SYNPR: variants seen among roughly 807,000 people sequenced by gnomAD.
SYNPR encodes the protein synaptoporin.
In SYNPR, 23 loss-of-function variants were observed where a neutral mutation model predicts 32.9. The observed-to-expected ratio is 0.70, with a 90% CI of 0.50 to 0.99. SYNPR has a LOEUF of 0.99. Ranked by LOEUF, SYNPR falls within the 50% of genes least tolerant of loss-of-function variation. The probability of loss-of-function intolerance (pLI) is 0.00; values close to 1 mark genes in which losing one functional copy is unlikely to be tolerated. For missense variants in SYNPR, 318 were observed against 349.3 expected (o/e 0.91, Z 0.71); for synonymous variants, 146 against 135.9 (o/e 1.07, Z -0.52).
At chr3:63,228,315 A>G (rs1353855006) in exon 1 of SYNPR, 2 of 152,190 alleles carry the variant, frequency 1.3e-5, no homozygotes, top group Admixed American at 6.5e-5. Context: ...ATCAGTCCTT[A>G]AACAGATTCA....
At chr3:63,353,055 G>A (rs113275578) in intron 2 of SYNPR, among the ~76,000 whole-genome samples, 406 of 152,286 alleles carry the variant, frequency 2.7e-3, no homozygotes, top group African/African-American at 8.6e-3. Flanking sequence ...TATATATTAT[G>A]TAAAGATGGT....
chr3:63,586,971 C>G (rs1365905382), intron 4 of SYNPR, among the ~76,000 whole-genome samples: 4 of 151,986 alleles, frequency 2.6e-5, no homozygotes, highest in African/African-American at 9.7e-5. Context: ...AAGACTCCAC[C>G]TATACCCTTA....
intron 2 of SYNPR, among the ~76,000 whole-genome samples, chr3:63,335,458 T>C (rs1486370597): frequency 6.6e-6 from 1 of 152,106 alleles, no homozygotes; most frequent in Non-Finnish European, 1.5e-5. Context: ...CAGGGCCAAT[T>C]GAAGCCACTG....
chr3:63,336,512 T>C (rs2087296553), intron 2 of SYNPR, among the ~76,000 whole-genome samples: 1 of 30,418 alleles, frequency 3.3e-5, no homozygotes, highest in Non-Finnish European at 6.8e-5. Context: ...AAGTGGACAT[T>C]CCCATGCAAA....
At chr3:63,300,876 A>G (rs773322287) in intron 2 of SYNPR, among the ~76,000 whole-genome samples, 1 of 152,076 alleles carries the variant, frequency 6.6e-6, no homozygotes, top group African/African-American at 2.4e-5. Context: ...GAGCACTAGA[A>G]TCTGTCTCAG....
chr3:63,262,826 G>A (rs373537505), intron 2 of SYNPR, among the ~76,000 whole-genome samples: 5 of 152,186 alleles, frequency 3.3e-5, no homozygotes, highest in African/African-American at 9.6e-5. Flanking sequence ...AGAGACCACC[G>A]TAACTCCAAT....
chr3:63,353,406 G>T, intron 2 of SYNPR, among the ~76,000 whole-genome samples: 1 of 152,170 alleles, frequency 6.6e-6, no homozygotes, highest in East Asian at 1.9e-4. Context: ...TGATGCCACA[G>T]GCCACCTGCT....
chr3:63,528,100 G>C (rs1057446852), intron 3 of SYNPR, among the ~76,000 whole-genome samples: 2 of 152,172 alleles, frequency 1.3e-5, no homozygotes, highest in African/African-American at 2.4e-5. Flanking sequence ...AACTACAGGA[G>C]ATAAATGACC....
chr3:63,397,191 G>A (rs1379359667), intron 2 of SYNPR, among the ~76,000 whole-genome samples: 1 of 152,038 alleles, frequency 6.6e-6, no homozygotes, highest in African/African-American at 2.4e-5. Flanking sequence ...GGGAGGCAGA[G>A]AAGAGAAAGT....
intron 5 of SYNPR, among the ~76,000 whole-genome samples, chr3:63,609,916 A>G (rs1047435230): frequency 1.3e-5 from 2 of 152,188 alleles, no homozygotes; most frequent in Admixed American, 6.5e-5. Flanking sequence ...TCTCAAAAAC[A>G]AAAACAAAAA....
At chr3:63,327,032 C>G (rs924594727) in intron 2 of SYNPR, among the ~76,000 whole-genome samples, 9 of 151,776 alleles carry the variant, frequency 5.9e-5, no homozygotes, top group African/African-American at 2.2e-4. Flanking sequence ...TGACACTTTA[C>G]TTTTAGATTT....
At chr3:63,569,001 A>C (rs1303473135) in intron 4 of SYNPR, among the ~76,000 whole-genome samples, 1 of 152,262 alleles carries the variant, frequency 6.6e-6, no homozygotes, top group Non-Finnish European at 1.5e-5. Flanking sequence ...GGTGTTAAGC[A>C]GATGGTAGAT....
intron 1 of SYNPR, among the ~76,000 whole-genome samples, chr3:63,251,612 T>C (rs1204442320): frequency 6.6e-6 from 1 of 151,966 alleles, no homozygotes; most frequent in South Asian, 2.1e-4. Context: ...CATGGCAGAG[T>C]AATTCCCTGT....
At chr3:63,567,226 G>A (rs941228682) in intron 4 of SYNPR, among the ~76,000 whole-genome samples, 1 of 152,114 alleles carries the variant, frequency 6.6e-6, no homozygotes, top group African/African-American at 2.4e-5. Flanking sequence ...TAGGGAAAGA[G>A]GGGAGAGAGC....
At chr3:63,273,917 G>C (rs187222018), upstream of SYNPR, among the ~76,000 whole-genome samples, 9 of 152,246 alleles carry the variant, frequency 5.9e-5, no homozygotes, top group East Asian at 1.7e-3. Flanking sequence ...TCTAACATTA[G>C]AGTTTTTGAA....
intron 4 of SYNPR, among the ~76,000 whole-genome samples, chr3:63,578,559 C>T (rs1390437): frequency 0.27 from 41,428 of 151,796 alleles, 6,049 homozygotes; most frequent in South Asian, 0.44. Flanking sequence ...TCATATTTTA[C>T]GGATAAATAG....
intron 4 of SYNPR, among the ~76,000 whole-genome samples, chr3:63,591,791 C>T (rs1699831831): frequency 9.5e-6 from 1 of 105,792 alleles, no homozygotes; most frequent in Non-Finnish European, 1.8e-5. Context: ...GAATATCACA[C>T]TCTGGGGACT....
At chr3:63,398,908 G>GT (rs2088253549) in intron 2 of SYNPR, among the ~76,000 whole-genome samples, 1 of 152,138 alleles carries the variant, frequency 6.6e-6, no homozygotes, top group South Asian at 2.1e-4. Context: ...AGAAGTTGCA[G>GT]TTTTTAAGGA....
intron 2 of SYNPR, among the ~76,000 whole-genome samples, chr3:63,384,591 C>T (rs2088017516): frequency 6.6e-6 from 1 of 152,116 alleles, no homozygotes; most frequent in Non-Finnish European, 1.5e-5. Flanking sequence ...CTAAGATAAA[C>T]CAGTTCATGA....
Sources: allele counts gnomAD v4.1 joint callset (sites outside exome capture counted in the v4.1 genomes callset), GRCh38; gene constraint gnomAD v4.1.1; transcripts MANE v1.5; gene names NCBI Gene and HGNC (gene_info 2026-07-23, HGNC 2026-07-21).